The following RTN4IP1 variants were observed in gnomAD, a reference collection of about 807,000 sequenced individuals.
RTN4IP1 encodes NAD(P)H oxidoreductase RTN4IP1, mitochondrial.
In RTN4IP1, 32 loss-of-function variants were observed where a neutral mutation model predicts 46.6. The observed-to-expected ratio is 0.69, with a 90% confidence interval of 0.52 to 0.92. The LOEUF (loss-of-function observed/expected upper bound fraction) is 0.92, where lower values mean the gene tolerates loss of function less well. Ranked by LOEUF, RTN4IP1 falls within the 40% of genes least tolerant of loss-of-function variation. The probability of loss-of-function intolerance (pLI) is 0.00; values close to 1 mark genes in which losing one functional copy is unlikely to be tolerated. For missense variants in RTN4IP1, 424 were observed against 485.8 expected (o/e 0.87, Z 1.20); for synonymous variants, 167 against 161.8 (o/e 1.03, Z -0.24).
chr6:106,577,698 A>G (rs1775263550), intron 8 of RTN4IP1, among the ~76,000 whole-genome samples: 1 of 152,164 alleles, frequency 6.6e-6, no homozygotes, highest in Non-Finnish European at 1.5e-5. Context: ...CCTGAGATGC[A>G]GAGATTATCC....
rs1250514654 is a variant in RTN4IP1 at position 106,602,891 on chromosome 6, C to T, written c.652G>A (p.Gly218Ser). The T allele has an allele frequency of 6.2e-7, 1 of 1,603,260 alleles. No individual in the cohort carries two copies. Among genetic ancestry groups the T allele is most frequent in the African/African-American group, 1.3e-5 (1 of 74,278 alleles). ...GGTTTTACCTGTATAGCAAAAGTAC[C>T]AACTCCGCCTGAAGCGCCTAAGATT... Reference protein sequence around the residue: ...VLILGASGGVGTFAIQVMKAW... With the variant: ...VLILGASGGVSTFAIQVMKAW... The change falls in exon 5 of 9, where the codon GGT becomes AGT. Residue 218 changes from glycine (G) to serine (S), a missense_variant. Gly to Ser is a moderately conservative substitution (Grantham distance 56). Transcript: ENST00000369063.
At chr6:106,572,980 G>A (rs1775116634) in intron 8 of RTN4IP1, among the ~76,000 whole-genome samples, 1 of 152,198 alleles carries the variant, frequency 6.6e-6, no homozygotes, top group Non-Finnish European at 1.5e-5. Flanking sequence ...CGCACCTCAT[G>A]TGAGCTTTCT....
chr6:106,603,555 G>C (rs1184518325), intron 4 of RTN4IP1, among the ~76,000 whole-genome samples: 1 of 152,132 alleles, frequency 6.6e-6, no homozygotes, highest in Non-Finnish European at 1.5e-5. Flanking sequence ...GGAGGGTGGG[G>C]CGGGACAAGG....
chr6:106,622,846 T>A lies in RTN4IP1; in HGVS notation c.398A>T (p.Asp133Val), dbSNP rs777904618. The change falls in exon 2 of 9, where the codon GAT (aspartate) becomes GTT (valine). Residue 133 changes from aspartate to valine, a missense_variant. Physicochemically the swap from Asp to Val is radical, Grantham distance 152. Coordinates refer to ENST00000369063, the MANE Select transcript of RTN4IP1 (RefSeq NM_032730.5). ...VSGVVMECGLDVKYFKPGDEV... is the reference protein window; with the variant it reads ...VSGVVMECGLVVKYFKPGDEV... ...ATCTCCAGGCTTGAAGTATTTCACATCAAGCCCACATTCCATCACCACGCC... is the reference window on the plus strand; with the variant it reads ...ATCTCCAGGCTTGAAGTATTTCACAACAAGCCCACATTCCATCACCACGCC... The A allele has an allele frequency of 6.2e-7, 1 of 1,613,856 alleles. No individual in the cohort carries two copies. Among genetic ancestry groups the A allele is most frequent in the Non-Finnish European group, 8.5e-7 (1 of 1,179,898 alleles).
intron 1 of RTN4IP1, among the ~76,000 whole-genome samples, chr6:106,623,709 T>C (rs1776554971): frequency 6.6e-6 from 1 of 152,246 alleles, no homozygotes; most frequent in Admixed American, 6.5e-5. Flanking sequence ...TTCAGAACTT[T>C]TAGTATTATC....
intron 1 of RTN4IP1, among the ~76,000 whole-genome samples, chr6:106,626,969 A>C (rs549977081): frequency 2.1e-4 from 32 of 152,312 alleles, no homozygotes; most frequent in Admixed American, 3.3e-4. Context: ...GGCCGTCTCC[A>C]GAAAAACAGC....
chr6:106,607,154 G>T (rs1776098580), intron 4 of RTN4IP1, among the ~76,000 whole-genome samples: 1 of 152,212 alleles, frequency 6.6e-6, no homozygotes, highest in African/African-American at 2.4e-5. Context: ...TTGGTGAGAG[G>T]ATAATTTCTT....
At chr6:106,595,921 G>C (rs1036938732) in intron 5 of RTN4IP1, among the ~76,000 whole-genome samples, 6 of 152,102 alleles carry the variant, frequency 3.9e-5, no homozygotes. Flanking sequence ...TTCTTTATCA[G>C]TTTATAAGAT....
At chr6:106,607,585 A>G (rs1776117791) in intron 4 of RTN4IP1, 1 of 152,216 alleles carries the variant, frequency 6.6e-6, no homozygotes, top group African/African-American at 2.4e-5. Context: ...GACATTTCTC[A>G]AAAAGAGAAA....
intron 5 of RTN4IP1, among the ~76,000 whole-genome samples, chr6:106,596,743 A>T (rs1419344625): frequency 1.3e-5 from 2 of 152,186 alleles, no homozygotes; most frequent in Non-Finnish European, 2.9e-5. Context: ...TCCTAGTCAG[A>T]AGCTCATTAT....
At chr6:106,607,122 A>ACAAAGG in intron 4 of RTN4IP1, among the ~76,000 whole-genome samples, 1 of 152,344 alleles carries the variant, frequency 6.6e-6, no homozygotes, top group East Asian at 1.9e-4. Flanking sequence ...CTGATTTATG[A>ACAAAGG]CAAAGGCAAC....
intron 6 of RTN4IP1, among the ~76,000 whole-genome samples, chr6:106,590,231 A>G (rs1386962547): frequency 2.0e-5 from 3 of 152,098 alleles, no homozygotes; most frequent in African/African-American, 7.2e-5. Flanking sequence ...GAGGCACAAG[A>G]ATCACTTGAA....
intron 4 of RTN4IP1, among the ~76,000 whole-genome samples, chr6:106,607,041 A>AT (rs1159266683): frequency 4.6e-5 from 7 of 152,336 alleles, no homozygotes; most frequent in Admixed American, 2.6e-4. Flanking sequence ...TGGTACTGGT[A>AT]TAAAAACAGA....
At chr6:106,620,449 G>A (rs2114678871) in intron 3 of RTN4IP1, among the ~76,000 whole-genome samples, 1 of 152,214 alleles carries the variant, frequency 6.6e-6, no homozygotes, top group Non-Finnish European at 1.5e-5. Context: ...GCAACAGTAG[G>A]CTATTAGCAG....
At chr6:106,575,137 G>A (rs867420922) in intron 8 of RTN4IP1, among the ~76,000 whole-genome samples, 4 of 152,182 alleles carry the variant, frequency 2.6e-5, no homozygotes, top group Admixed American at 6.5e-5. Flanking sequence ...AATACAGAGG[G>A]GGGAAAGAAA....
intron 8 of RTN4IP1, among the ~76,000 whole-genome samples, chr6:106,578,856 A>T (rs1775288471): frequency 6.6e-6 from 1 of 152,142 alleles, no homozygotes; most frequent in African/African-American, 2.4e-5. Context: ...GTAAAGGCCT[A>T]AATAGTGAAT....
rs1456154065 is a variant in RTN4IP1 at position 106,629,064 on chromosome 6, T to C, written c.-43A>G. On this transcript the variant is annotated 5_prime_UTR_variant, in exon 1 of 9. Transcript: ENST00000369063. Reference sequence around the variant, plus strand: ...CTGCGTGCTCAAATTCAAATACACTTGGACTGGATCAAACTCTCACCCCTG... The same window carrying C: ...CTGCGTGCTCAAATTCAAATACACTCGGACTGGATCAAACTCTCACCCCTG... The C allele has an allele frequency of 2.6e-6, 4 of 1,563,850 alleles. No homozygotes were observed. The highest frequency in any genetic ancestry group is 3.5e-6 in the Non-Finnish European group (4 of 1,153,876).
chr6:106,596,210 AAG>A, intron 5 of RTN4IP1, among the ~76,000 whole-genome samples: 1 of 19,172 alleles, frequency 5.2e-5, no homozygotes, highest in South Asian at 5.1e-3. Flanking sequence ...CTTCTCTAAG[AAG>A]CCCTGCCTTG....
At chr6:106,612,364 G>T (rs1776245459) in intron 4 of RTN4IP1, among the ~76,000 whole-genome samples, 1 of 138,880 alleles carries the variant, frequency 7.2e-6, no homozygotes, top group African/African-American at 2.8e-5. Flanking sequence ...ACCAACCTGG[G>T]CGACAGAGCA....
Sources: allele counts gnomAD v4.1 joint callset (sites outside exome capture counted in the v4.1 genomes callset), GRCh38; gene constraint gnomAD v4.1.1; transcripts MANE v1.5; gene names NCBI Gene and HGNC (gene_info 2026-07-23, HGNC 2026-07-21).